BACH1: variants seen among roughly 807,000 people sequenced by gnomAD.
BACH1 encodes the protein transcription regulator protein BACH1.
In BACH1, 35 loss-of-function variants were observed where a neutral mutation model predicts 52.9. The ratio of observed to expected loss-of-function variants is 0.66; its 90% CI spans 0.51 to 0.88. The LOEUF (loss-of-function observed/expected upper bound fraction) is 0.88. BACH1 is among the 40% of genes least tolerant of loss of function. The pLI, the probability that BACH1 is intolerant of heterozygous loss-of-function variation, is 0.00. For missense variants in BACH1, 808 were observed against 872.6 expected, an observed-to-expected ratio of 0.93 and a Z score of 0.93; for synonymous variants, 321 against 319.6, an observed-to-expected ratio of 1.00 and a Z score of -0.05.
rs553418111 is a variant in BACH1, at chr21:29,334,289, G to A, written c.1776+4596G>A. 6.6e-5 allele frequency among the ~76,000 whole-genome samples: 10 copies of A among 151,934 alleles called. 1 individual carries two copies. In the South Asian group the frequency reaches 1.7e-3, roughly 25 times the overall value. On this transcript the variant is annotated intron_variant, in intron 4 of 4. Transcript: ENST00000286800. ...ATTTTTTTATATTTTTAGTAGAGAC[G>A]GGGTTTCACTGTGTTAGCCAGGATG...
At chr21:29,359,727 T>C (rs2089259678) in intron 2 of BACH1, among the ~76,000 whole-genome samples, 1 of 152,096 alleles carries the variant, frequency 6.6e-6, no homozygotes, top group Non-Finnish European at 1.5e-5. Context: ...ATAAAAAAGC[T>C]ACATACCTCC....
chr21:29,337,043 G>A (rs1309093767), intron 4 of BACH1, among the ~76,000 whole-genome samples: 1 of 152,006 alleles, frequency 6.6e-6, no homozygotes, highest in Non-Finnish European at 1.5e-5. Flanking sequence ...AATTTTTTCT[G>A]ATTCAATTTG....
At chr21:29,351,218 T>C (rs748036183) in intron 2 of BACH1, among the ~76,000 whole-genome samples, 1 of 152,198 alleles carries the variant, frequency 6.6e-6, no homozygotes, top group Non-Finnish European at 1.5e-5. Context: ...ACCTAAATAA[T>C]TTTCCAGATA....
At chr21:29,336,779 C>T (rs1446668012) in intron 4 of BACH1, among the ~76,000 whole-genome samples, 1 of 152,040 alleles carries the variant, frequency 6.6e-6, no homozygotes, top group African/African-American at 2.4e-5. Flanking sequence ...TCATGTGATT[C>T]TCCTGCCTCA....
intron 1 of BACH1, among the ~76,000 whole-genome samples, chr21:29,307,931 T>G (rs2123410162): frequency 6.6e-6 from 1 of 152,316 alleles, no homozygotes; most frequent in South Asian, 2.1e-4. Context: ...GGTTGTTTCT[T>G]TTTGAGAGTA....
intron 1 of BACH1, among the ~76,000 whole-genome samples, chr21:29,301,784 T>C (rs539936378): frequency 2.0e-5 from 3 of 152,166 alleles, no homozygotes; most frequent in Non-Finnish European, 2.9e-5. Context: ...CTGTTTTTTT[T>C]TGTTTGTTTT....
At chr21:29,357,506 G>A (rs929422424) in intron 2 of BACH1, among the ~76,000 whole-genome samples, 9 of 152,154 alleles carry the variant, frequency 5.9e-5, no homozygotes, top group African/African-American at 2.2e-4. Flanking sequence ...GTAGGTGGTT[G>A]TCTGATAGCC....
intron 1 of BACH1, among the ~76,000 whole-genome samples, chr21:29,311,364 ACTAT>A (rs566750495): frequency 1.3e-3 from 199 of 152,290 alleles, no homozygotes; most frequent in Middle Eastern, 6.8e-3. Context: ...ACTTTTGTTT[ACTAT>A]CTATTTAAAC....
chr21:29,339,944 T>C (rs1196948499), intron 4 of BACH1, among the ~76,000 whole-genome samples: 1 of 152,166 alleles, frequency 6.6e-6, no homozygotes, highest in Non-Finnish European at 1.5e-5. Flanking sequence ...CCTGTAAAGA[T>C]TTTTTGTTGG....
chr21:29,338,009 T>C (rs1376206273), intron 4 of BACH1, among the ~76,000 whole-genome samples: 3 of 152,196 alleles, frequency 2.0e-5, no homozygotes, highest in African/African-American at 7.2e-5. Context: ...CATGTATACA[T>C]ATGTAACAAA....
In BACH1 at chr21:29,342,625, C is replaced by T; in HGVS notation, c.2003C>T (p.Ser668Leu). Residue 668 changes from serine (S) to leucine (L), a missense_variant, in exon 5 of 5, where the codon TCA becomes TTA. By Grantham distance (145) the Ser-to-Leu change is moderately radical. Coordinates refer to ENST00000286800, the MANE Select transcript of BACH1 (RefSeq NM_001186.4). ...STPDGELALP[S>L]IFSLSDRPPA... ...CCTGATGGTGAACTGGCGTTACCAT[C>T]AATTTTCAGTTTATCTGACCGGCCT... 1 of 1,614,198 alleles carries T rather than the reference C, an allele frequency of 6.2e-7. No individual in the cohort carries two copies. The highest frequency in any genetic ancestry group is 8.5e-7 in the Non-Finnish European group (1 of 1,180,046).
At chr21:29,311,813 C>T (rs2088726913) in intron 1 of BACH1, among the ~76,000 whole-genome samples, 1 of 152,186 alleles carries the variant, frequency 6.6e-6, no homozygotes, top group Non-Finnish European at 1.5e-5. Context: ...TCCCATTCTT[C>T]CTGATTCTGT....
At chr21:29,346,400 A>G (rs889947243), downstream of BACH1, among the ~76,000 whole-genome samples, 8 of 152,320 alleles carry the variant, frequency 5.3e-5, no homozygotes, top group Non-Finnish European at 8.8e-5. Flanking sequence ...TATTATCTCT[A>G]TCAGTCATTA....
chr21:29,344,606 G>A lies in BACH1; in HGVS notation c.*1773G>A, dbSNP rs2089149012. ...AGAATTTGTCAGGGAGAATAATTCT[G>A]ATAGTGCATCCCATACTGCAAAAGA... On this transcript the variant is annotated 3_prime_UTR_variant, in exon 5 of 5. Coordinates refer to ENST00000286800, the MANE Select transcript of BACH1 (RefSeq NM_001186.4). 1 of 151,968 alleles carries A rather than the reference G, an allele frequency of 6.6e-6. No individual in the cohort carries two copies. The highest frequency in any genetic ancestry group is 2.1e-4 in the South Asian group (1 of 4,804). 9.4% of individuals were successfully genotyped at this position (151,968 alleles called of 1,614,324 possible).
chr21:29,319,559 G>T (rs1184048236), intron 1 of BACH1, among the ~76,000 whole-genome samples: 1 of 151,658 alleles, frequency 6.6e-6, no homozygotes, highest in African/African-American at 2.4e-5. Flanking sequence ...AGTACCAAGA[G>T]CCTGCGACTG....
Position 29,321,462 on chromosome 21 carries a change from C to T in BACH1, c.182C>T (p.Ser61Leu), listed in dbSNP as rs376328078. 6.1e-5 allele frequency: 99 copies of T among 1,614,064 alleles called. No individual in the cohort carries two copies. Among genetic ancestry groups the T allele is most frequent in the Non-Finnish European group, 8.1e-5 (95 of 1,180,036 alleles). The change falls in exon 2 of 5, where the codon TCA (serine) becomes TTA (leucine). Residue 61 changes from serine to leucine, a missense_variant. Transcript: ENST00000286800. ...GCGGCATGCAGCAGTTACTTCCACT[C>T]AAGAATCGTAGGCCAGGCTGATGGA... ...VLAACSSYFHSRIVGQADGEL... is the reference protein window; with the variant it reads ...VLAACSSYFHLRIVGQADGEL...
At position 29,340,245 on chromosome 21, in the gene BACH1, A is replaced by G. The variant is rs941659763; in HGVS notation, c.1777-2154A>G. 1.3e-4 allele frequency among the ~76,000 whole-genome samples: 20 copies of G among 152,316 alleles called. No individual in the cohort carries two copies. The South Asian group carries it at 4.1e-3, about 32-fold the overall frequency. On this transcript the variant is annotated intron_variant, in intron 4 of 4. Coordinates refer to ENST00000286800, the MANE Select transcript of BACH1 (RefSeq NM_001186.4). Reference sequence around the variant, plus strand: ...CTATTATAGTAAATATGTGTCTTAAACTTAGAGTGAAATGGAAACTGCTTA... The same window carrying G: ...CTATTATAGTAAATATGTGTCTTAAGCTTAGAGTGAAATGGAAACTGCTTA...
intron 1 of BACH1, among the ~76,000 whole-genome samples, chr21:29,312,780 A>C (rs566530486): frequency 6.6e-6 from 1 of 152,190 alleles, no homozygotes; most frequent in Non-Finnish European, 1.5e-5. Context: ...AAATGAAGAG[A>C]GATGCCATAT....
intron 1 of BACH1, 131 bp from the exon 2 acceptor site, chr21:29,321,090 C>T: frequency 1.7e-6 from 1 of 578,584 alleles, no homozygotes; most frequent in East Asian, 2.9e-5. Flanking sequence ...GAATAAATGC[C>T]TCTAGGTTGT....
Sources: allele counts gnomAD v4.1 joint callset (sites outside exome capture counted in the v4.1 genomes callset), GRCh38; gene constraint gnomAD v4.1.1; transcripts MANE v1.5; gene names NCBI Gene and HGNC (gene_info 2026-07-23, HGNC 2026-07-21).